NRG1: variants seen among roughly 807,000 people sequenced by gnomAD.
NRG1 encodes pro-neuregulin-1, membrane-bound isoform.
A neutral mutation model predicts 63.8 loss-of-function variants in NRG1; 18 were observed. The observed-to-expected ratio is 0.28, with a 90% CI of 0.19 to 0.42. The LOEUF is 0.42. Among genes scored for constraint, NRG1 ranks in the 10% least tolerant of loss-of-function variants. The pLI, the probability that NRG1 is intolerant of heterozygous loss-of-function variation, is 1.00. For missense variants in NRG1, 762 were observed against 814.7 expected (o/e 0.94, Z 0.79); for synonymous variants, 302 against 301.3 (o/e 1.00, Z -0.02).
chr8:31,707,970 A>T (rs1321869273), intron 1 of NRG1, among the ~76,000 whole-genome samples: 2 of 152,096 alleles, frequency 1.3e-5, no homozygotes, highest in Non-Finnish European at 2.9e-5. Flanking sequence ...ATCAGTGATC[A>T]TCTTTTTCTT....
intron 1 of NRG1, among the ~76,000 whole-genome samples, chr8:32,201,843 A>G (rs1167224136): frequency 6.6e-6 from 1 of 152,214 alleles, no homozygotes; most frequent in African/African-American, 2.4e-5. Context: ...ACACAACCAT[A>G]TGGCATCAGT....
At chr8:32,516,043 G>A (rs1829788144) in intron 1 of NRG1, among the ~76,000 whole-genome samples, 1 of 152,048 alleles carries the variant, frequency 6.6e-6, no homozygotes, top group African/African-American at 2.4e-5. Flanking sequence ...TTAAAAGACT[G>A]GGATCATATG....
chr8:32,509,432 T>TA (rs1288570197), intron 1 of NRG1, among the ~76,000 whole-genome samples: 3 of 151,936 alleles, frequency 2.0e-5, no homozygotes, highest in African/African-American at 4.8e-5. Flanking sequence ...TTTGTAATCT[T>TA]AAAAAAAATA....
At chr8:32,468,380 C>A (rs887422264) in intron 1 of NRG1, among the ~76,000 whole-genome samples, 4 of 152,112 alleles carry the variant, frequency 2.6e-5, no homozygotes, top group Non-Finnish European at 5.9e-5. Flanking sequence ...AGGAATAAAT[C>A]TTAACTCTAA....
chr8:32,300,000 TGGA>T (rs1044778746), intron 1 of NRG1, among the ~76,000 whole-genome samples: 1 of 152,144 alleles, frequency 6.6e-6, no homozygotes, highest in African/African-American at 2.4e-5. Context: ...TCATTTTGGA[TGGA>T]GGAGAACATA....
At chr8:32,169,361 A>C (rs923027367) in intron 1 of NRG1, among the ~76,000 whole-genome samples, 1 of 152,218 alleles carries the variant, frequency 6.6e-6, no homozygotes, top group Admixed American at 6.6e-5. Flanking sequence ...GAGTAAAGGA[A>C]TGTTGAAAAC....
chr8:32,013,102 T>C (rs1016208721), intron 1 of NRG1, among the ~76,000 whole-genome samples: 3 of 152,040 alleles, frequency 2.0e-5, no homozygotes, highest in African/African-American at 7.2e-5. Context: ...ATTATCAAGA[T>C]GCCTGATGGA....
chr8:32,641,682 A>G (rs1000417174), intron 5 of NRG1, among the ~76,000 whole-genome samples: 3 of 152,234 alleles, frequency 2.0e-5, no homozygotes, highest in Non-Finnish European at 4.4e-5. Flanking sequence ...CGTGTTACAG[A>G]ATGAGAACAC....
chr8:31,943,876 C>T (rs561766462), intron 1 of NRG1, among the ~76,000 whole-genome samples: 5 of 152,292 alleles, frequency 3.3e-5, no homozygotes, highest in African/African-American at 1.2e-4. Context: ...ACTGTGCCTA[C>T]CTTGTTTTTC....
chr8:32,661,504 TTTTA>T (rs1295055287), intron 5 of NRG1, among the ~76,000 whole-genome samples: 1 of 152,186 alleles, frequency 6.6e-6, no homozygotes, highest in Non-Finnish European at 1.5e-5. Flanking sequence ...AATCAAAATA[TTTTA>T]CTTTACTCAT....
intron 1 of NRG1, among the ~76,000 whole-genome samples, chr8:31,827,147 T>C (rs1468580564): frequency 6.6e-6 from 1 of 152,212 alleles, no homozygotes; most frequent in Non-Finnish European, 1.5e-5. Flanking sequence ...ATATTTTTCA[T>C]GAAACTGATT....
At position 32,742,747 on chromosome 8, in the gene NRG1, C is replaced by CT. The variant is rs1397955396; in HGVS notation, c.691+17dup. On this transcript the variant is annotated intron_variant, in intron 7 of 11. Coordinates refer to ENST00000356819, the Ensembl canonical transcript of NRG1. This position sits in a 1 kb window ranked among gnomAD's most constrained non-coding sequence, Gnocchi z 4.2. ...CCAGCTTCTACAGTACGTCCACTCC[C>CT]TTTCTGTCTCTGCCTGAATAGGAGC... 10 of 1,613,754 alleles carry CT rather than the reference C, an allele frequency of 6.2e-6. No individual in the cohort carries two copies. In the East Asian group the frequency reaches 2.2e-4, roughly 36 times the overall value.
chr8:32,647,137 G>A (rs1298286886), intron 5 of NRG1: 1 of 985,202 alleles, frequency 1.0e-6, no homozygotes, highest in East Asian at 1.1e-4. Flanking sequence ...ATGCTCCGAG[G>A]GCAGGCACCT....
chr8:32,326,494 T>G (rs1802045172), intron 1 of NRG1, among the ~76,000 whole-genome samples: 1 of 151,892 alleles, frequency 6.6e-6, no homozygotes, highest in African/African-American at 2.4e-5. Context: ...TCAGCTAATT[T>G]TTGTATTTTT....
chr8:31,724,590 G>A (rs1237844538), intron 1 of NRG1, among the ~76,000 whole-genome samples: 1 of 149,338 alleles, frequency 6.7e-6, no homozygotes, highest in Admixed American at 6.8e-5. Flanking sequence ...GTTGTATTGA[G>A]AAATGAAAGG....
At chr8:32,706,430 C>T (rs530313046) in intron 5 of NRG1, among the ~76,000 whole-genome samples, 26 of 152,210 alleles carry the variant, frequency 1.7e-4, no homozygotes, top group Admixed American at 1.1e-3. Flanking sequence ...TTGTGATAAG[C>T]TACAGACCAA....
exon 12 of NRG1, chr8:32,764,372 A>G (rs759311664): frequency 6.2e-7 from 1 of 1,606,810 alleles, no homozygotes. Flanking sequence ...TGTCTAGTGT[A>G]ATTGCTAACC....
At chr8:31,709,908 A>AT (rs1459260207) in intron 1 of NRG1, among the ~76,000 whole-genome samples, 4 of 151,444 alleles carry the variant, frequency 2.6e-5, no homozygotes, top group Admixed American at 2.0e-4. Flanking sequence ...TATTTATTCT[A>AT]TTTTTTCCCT....
chr8:32,304,214 A>G (rs991287946), intron 1 of NRG1, among the ~76,000 whole-genome samples: 1 of 152,258 alleles, frequency 6.6e-6, no homozygotes, highest in African/African-American at 2.4e-5. Flanking sequence ...TCATCTAGAA[A>G]TCTTTCATCA....
Sources: allele counts gnomAD v4.1 joint callset (sites outside exome capture counted in the v4.1 genomes callset), GRCh38; gene constraint gnomAD v4.1.1; non-coding constraint Gnocchi (gnomAD v3.1); transcripts MANE v1.5; gene names NCBI Gene and HGNC (gene_info 2026-07-23, HGNC 2026-07-21).